Variants in IGFBP1 observed in about 807,000 individuals in gnomAD.
The protein encoded by IGFBP1 is insulin like growth factor binding protein 1.
A neutral mutation model predicts 23.1 loss-of-function variants in IGFBP1; 31 were observed. The ratio of observed to expected loss-of-function variants is 1.34; its 90% CI spans 1.01 to 1.81. The LOEUF (loss-of-function observed/expected upper bound fraction) is 1.81. IGFBP1 is among the 40% of genes most tolerant of loss of function. The pLI, the probability that IGFBP1 is intolerant of heterozygous loss-of-function variation, is 0.00. For synonymous variants in IGFBP1, 148 were observed against 145.5 expected, an observed-to-expected ratio of 1.02 and a Z score of -0.13; for missense variants, 333 against 342.2, an observed-to-expected ratio of 0.97 and a Z score of 0.21.
chr7:45,889,127 T>G, intron 1 of IGFBP1, 126 bp downstream of exon 1: 1 of 695,156 alleles, frequency 1.4e-6, no homozygotes, highest in Non-Finnish European at 2.2e-6. Flanking sequence ...CAACTAGAGC[T>G]TGAAACCAGA....
chr7:45,892,081 G>A (rs1367286643), intron 3 of IGFBP1, 21 bp downstream of exon 3: 10 of 1,613,002 alleles, frequency 6.2e-6, no homozygotes, highest in South Asian at 1.1e-5. Context: ...TTGCCAGTGT[G>A]CGTCGTCAGG....
chr7:45,890,811 T>G, intron 2 of IGFBP1, 94 bp downstream of exon 2: 1 of 1,066,958 alleles, frequency 9.4e-7, no homozygotes, highest in Non-Finnish European at 1.3e-6. Flanking sequence ...TCCTTCCTGG[T>G]CCTGATGCCC....
intron 2 of IGFBP1, among the ~76,000 whole-genome samples, chr7:45,891,587 T>C (rs369028734): frequency 4.6e-5 from 7 of 152,354 alleles, no homozygotes; most frequent in African/African-American, 1.7e-4. Flanking sequence ...TCTAACCAGA[T>C]GGCGGGTGCC....
At chr7:45,889,786 T>C (rs1171959664) in intron 1 of IGFBP1, among the ~76,000 whole-genome samples, 2 of 152,252 alleles carry the variant, frequency 1.3e-5, no homozygotes, top group South Asian at 2.1e-4. Context: ...CATACCCTGA[T>C]AGGGTGTTAG....
At chr7:45,889,947 G>A (rs918576516) in intron 1 of IGFBP1, among the ~76,000 whole-genome samples, 1 of 152,184 alleles carries the variant, frequency 6.6e-6, no homozygotes, top group Non-Finnish European at 1.5e-5. Context: ...CCAGTGTGCT[G>A]ATTCTGTTCA....
intron 3 of IGFBP1, 42 bp downstream of exon 3, chr7:45,892,102 C>CT: frequency 6.2e-7 from 1 of 1,602,118 alleles, no homozygotes; most frequent in Non-Finnish European, 8.5e-7. Context: ...GTGAAAGGGA[C>CT]TACTGCCCTA....
At chr7:45,890,510 T>TG (rs776685512) in intron 1 of IGFBP1, 38 bp from the exon 2 acceptor site, 1 of 1,560,048 alleles carries the variant, frequency 6.4e-7, no homozygotes, top group East Asian at 2.3e-5. Context: ...GCAGATGCTT[T>TG]GGGAGGGCTC....
In IGFBP1 at chr7:45,891,992, T is replaced by C. The variant is rs756491869; in HGVS notation, c.580T>C (p.Ser194Pro). 2 of 1,613,938 alleles carry C rather than the reference T, an allele frequency of 1.2e-6. No individual in the cohort carries two copies. The highest frequency in any genetic ancestry group is 1.7e-6 in the Non-Finnish European group (2 of 1,179,826). ...VESLAKAQET[S>P]GEEISKFYLP... ...GAGTTTAGCCAAGGCACAGGAGACA[T>C]CAGGAGAAGAAATTTCCAAATTTTA... Residue 194 changes from serine (S) to proline (P), a missense_variant, in exon 3 of 4, where the codon TCA (serine) becomes CCA (proline). Physicochemically the swap from Ser to Pro is moderately conservative, Grantham distance 74. Transcript: ENST00000275525.
Position 45,893,624 on chromosome 7 carries a change from T to C in IGFBP1, c.*533T>C, listed in dbSNP as rs1787125970. On this transcript the variant is annotated 3_prime_UTR_variant, in exon 4 of 4. Coordinates refer to ENST00000275525, the MANE Select transcript of IGFBP1 (RefSeq NM_000596.4). Reference sequence around the variant, plus strand: ...GGATATGTTGTTAAACACGTGTCTATAATGGAAACATTTACAATAAATATT... The same window carrying C: ...GGATATGTTGTTAAACACGTGTCTACAATGGAAACATTTACAATAAATATT... 1 of 152,254 alleles carries C rather than the reference T, an allele frequency of 6.6e-6. No homozygotes were observed. Among genetic ancestry groups the C allele is most frequent in the African/African-American group, 2.4e-5 (1 of 41,466 alleles). 9.4% of individuals were successfully genotyped at this position (152,254 alleles called of 1,614,324 possible).
chr7:45,889,100 G>T (rs927186141), intron 1 of IGFBP1, 99 bp downstream of exon 1: 1 of 905,266 alleles, frequency 1.1e-6, no homozygotes, highest in Non-Finnish European at 1.6e-6. Flanking sequence ...GGCTGCAGCC[G>T]GGCAGGGGCT....
At chr7:45,892,556 C>A (rs1787095653) in intron 3 of IGFBP1, among the ~76,000 whole-genome samples, 1 of 152,158 alleles carries the variant, frequency 6.6e-6, no homozygotes, top group South Asian at 2.1e-4. Flanking sequence ...TTGAGGAGTG[C>A]TTTAGGTCTC....
chr7:45,888,837 T>C lies in IGFBP1; in HGVS notation c.185T>C (p.Met62Thr). The C allele has an allele frequency of 1.3e-6, 2 of 1,542,636 alleles. No homozygotes were observed. The highest frequency in any genetic ancestry group is 2.3e-5 in the South Asian group (2 of 85,192). ...TCCGCCGGCTGCGGCTGTTGCCCGATGTGCGCCCTGCCTCTGGGCGCCGCG... is the reference window on the plus strand; with the variant it reads ...TCCGCCGGCTGCGGCTGTTGCCCGACGTGCGCCCTGCCTCTGGGCGCCGCG... ...TRSAGCGCCP[M>T]CALPLGAACG... Residue 62 changes from methionine (M) to threonine (T), a missense_variant, in exon 1 of 4, where the codon ATG becomes ACG. By Grantham distance (81) the Met-to-Thr change is moderately conservative. Coordinates refer to ENST00000275525, the MANE Select transcript of IGFBP1 (RefSeq NM_000596.4).
intron 1 of IGFBP1, among the ~76,000 whole-genome samples, chr7:45,889,391 C>T (rs966033145): frequency 5.9e-5 from 9 of 152,200 alleles, no homozygotes; most frequent in Admixed American, 4.6e-4. Flanking sequence ...AGTCTCCTTG[C>T]CAGCACGTGG....
At position 45,890,702 on chromosome 7, in the gene IGFBP1, C is replaced by A; in HGVS notation, c.504C>A (p.Asn168Lys). The A allele has an allele frequency of 1.9e-6, 3 of 1,601,548 alleles. No individual in the cohort carries two copies. The highest frequency in any genetic ancestry group is 1.7e-5 in the Admixed American group (1 of 57,932). Residue 168 changes from asparagine (N) to lysine (K), a missense_variant, in exon 2 of 4, where the codon AAC becomes AAA. Transcript: ENST00000275525. ...GCTCGAAGGCTCTCCATGTCACCAA[C>A]ATCAAAAAATGGAAGGTGAGGCCCA... is the stretch of plus-strand genomic sequence containing the variant. ...YDGSKALHVT[N>K]IKKWKEPCRI... is the part of the protein sequence containing the mutation.
chr7:45,890,579 G>A lies in IGFBP1; in HGVS notation c.381G>A (p.Thr127=), dbSNP rs142789241. The A allele has an allele frequency of 1.7e-4, 278 of 1,613,036 alleles. No individual in the cohort carries two copies. The highest frequency in any genetic ancestry group is 2.2e-4 in the Non-Finnish European group (256 of 1,179,596). ...GGAGCCCTGAAAGCCCAGAGAGCACGGAGATAACTGAGGAGGAGCTCCTGG... is the reference window on the plus strand; with the variant it reads ...GGAGCCCTGAAAGCCCAGAGAGCACAGAGATAACTGAGGAGGAGCTCCTGG... The part of the protein sequence containing the change: ...EAGSPESPES[T]EITEEELLDN... Residue 127 remains threonine, a synonymous_variant, in exon 2 of 4, where the codon ACG becomes ACA. Transcript: ENST00000275525.
intron 3 of IGFBP1, 118 bp from the exon 4 acceptor site, chr7:45,892,842 C>A: frequency 1.1e-6 from 1 of 892,608 alleles, no homozygotes; most frequent in Non-Finnish European, 1.7e-6. Context: ...GTTTCACAGC[C>A]GGGACTCTTG....
Position 45,893,068 on chromosome 7 carries a change from A to G in IGFBP1, c.757A>G (p.Ile253Val), listed in dbSNP as rs1787110953. 4 of 1,611,768 alleles carry G rather than the reference A, an allele frequency of 2.5e-6. No individual in the cohort carries two copies. The highest frequency in any genetic ancestry group is 2.5e-6 in the Non-Finnish European group (3 of 1,177,962). ...GATCAGGGGAGACCCCAACTGCCAG[A>G]TATATTTTAATGTACAAAACTGAAA... ...PEIRGDPNCQIYFNVQN is the reference protein window; with the variant it reads ...PEIRGDPNCQVYFNVQN The change falls in exon 4 of 4, where the codon ATA becomes GTA. Residue 253 changes from isoleucine (I) to valine (V), a missense_variant. Ile to Val is a conservative substitution (Grantham distance 29). Coordinates refer to ENST00000275525, the MANE Select transcript of IGFBP1 (RefSeq NM_000596.4).
In IGFBP1 at chr7:45,893,158, A is replaced by G. The variant is rs368771684; in HGVS notation, c.*67A>G. 3 of 991,878 alleles carry G rather than the reference A, an allele frequency of 3.0e-6. No individual in the cohort carries two copies. Among genetic ancestry groups the G allele is most frequent in the African/African-American group, 3.3e-5 (2 of 60,470 alleles). 61.4% of individuals were successfully genotyped at this position (991,878 alleles called of 1,614,324 possible). On this transcript the variant is annotated 3_prime_UTR_variant, in exon 4 of 4. Transcript: ENST00000275525. ...ATATAGTATATTTATACTCTAGAAC[A>G]TGCACATTTATATATATATGTATAT...
At chr7:45,891,816 C>G (rs45452199) in intron 2 of IGFBP1, 116 bp from the exon 3 acceptor site, 1 of 971,554 alleles carries the variant, frequency 1.0e-6, no homozygotes. Flanking sequence ...CCCAGGTCCC[C>G]GTGGCCAGAT....
Sources: gnomAD v4.1 joint callset for allele counts (sites outside exome capture counted in the v4.1 genomes callset) on GRCh38, gnomAD v4.1.1 for gene constraint, MANE v1.5 for transcripts, NCBI Gene and HGNC (gene_info 2026-07-23, HGNC 2026-07-21) for gene names.